MEIS1: variants seen among roughly 807,000 people sequenced by gnomAD.
MEIS1 encodes the protein homeobox protein Meis1.
MEIS1 carries 5 observed loss-of-function variants against 50.8 expected under a neutral mutation model. The observed-to-expected ratio is 0.10, with a 90% CI of 0.05 to 0.21. The LOEUF (loss-of-function observed/expected upper bound fraction) is 0.21, where lower values mean the gene tolerates loss of function less well. MEIS1 is among the 10% of genes least tolerant of loss of function. MEIS1 has a pLI of 1.00. For synonymous variants in MEIS1, 176 were observed against 179.3 expected, an observed-to-expected ratio of 0.98 and a Z score of 0.15; for missense variants, 318 against 517.3, an observed-to-expected ratio of 0.61 and a Z score of 3.74.
chr2:66,555,300 AC>A (rs139775539), intron 9 of MEIS1, among the ~76,000 whole-genome samples: 4,599 of 41,250 alleles, frequency 0.11, 106 homozygotes, highest in Non-Finnish European at 0.14. Flanking sequence ...CACCCCCCAA[AC>A]CCCCCTCCCT....
chr2:66,466,873 A>G lies in MEIS1; in HGVS notation c.742+2653A>G, dbSNP rs545664333. Among the ~76,000 whole-genome samples the G allele has an allele frequency of 2.1e-4, 32 of 151,320 alleles. No individual in the cohort carries two copies. In the East Asian group the frequency reaches 6.0e-3, roughly 28 times the overall value. On this transcript the variant is annotated intron_variant, in intron 7 of 12. Coordinates refer to ENST00000272369, the MANE Select transcript of MEIS1 (RefSeq NM_002398.3). ...ATTTTAAAACTTTCTCTGACATATT[A>G]TTTTTACTGCATTTCTTTTTTCCTC...
intron 7 of MEIS1, among the ~76,000 whole-genome samples, chr2:66,488,954 AT>A (rs1673205283): frequency 6.6e-6 from 1 of 152,164 alleles, no homozygotes; most frequent in Non-Finnish European, 1.5e-5. Flanking sequence ...TGTCAATCTT[AT>A]GTTTTCTAAG....
At chr2:66,442,366 A>G (rs1672011570) in intron 5 of MEIS1, among the ~76,000 whole-genome samples, 1 of 145,142 alleles carries the variant, frequency 6.9e-6, no homozygotes, top group South Asian at 2.2e-4. Context: ...ATTTCCTTCC[A>G]TTTTTTTTTC....
intron 8 of MEIS1, among the ~76,000 whole-genome samples, chr2:66,535,736 A>G (rs185511721): frequency 5.9e-5 from 9 of 152,364 alleles, no homozygotes; most frequent in Admixed American, 2.6e-4. Context: ...AAGAAGGTTC[A>G]TAAAGATAAA....
intron 7 of MEIS1, among the ~76,000 whole-genome samples, chr2:66,475,259 T>G (rs1168895340): frequency 7.5e-6 from 1 of 133,912 alleles, no homozygotes; most frequent in Admixed American, 7.4e-5. Context: ...ATTTATAAAA[T>G]AAATATATAA....
At chr2:66,509,706 G>C (rs1673777551) in intron 7 of MEIS1, among the ~76,000 whole-genome samples, 1 of 152,164 alleles carries the variant, frequency 6.6e-6, no homozygotes, top group Admixed American at 6.5e-5. Flanking sequence ...TGTTACACAT[G>C]GAATGCAGAA....
intron 7 of MEIS1, among the ~76,000 whole-genome samples, chr2:66,483,246 T>C (rs1243893748): frequency 1.0e-4 from 15 of 145,116 alleles, no homozygotes; most frequent in Non-Finnish European, 1.9e-4. Context: ...TTTTTTTTTG[T>C]CTTTTTGTGG....
intron 7 of MEIS1, among the ~76,000 whole-genome samples, chr2:66,478,835 T>C (rs1672953204): frequency 6.6e-6 from 1 of 152,212 alleles, no homozygotes. Flanking sequence ...AAATTGCCTT[T>C]AAATAGAAAA....
chr2:66,442,055 C>T (rs779706338), intron 5 of MEIS1, among the ~76,000 whole-genome samples: 3 of 152,126 alleles, frequency 2.0e-5, no homozygotes, highest in Non-Finnish European at 2.9e-5. Context: ...CACACTCCAC[C>T]TTCACACTCA....
At chr2:66,550,594 T>G (rs1001899929) in intron 9 of MEIS1, among the ~76,000 whole-genome samples, 5 of 152,066 alleles carry the variant, frequency 3.3e-5, no homozygotes, top group Non-Finnish European at 7.4e-5. Flanking sequence ...AACTCCTAGC[T>G]CAAGTAATCC....
chr2:66,471,473 G>A (rs1672759146), intron 7 of MEIS1, among the ~76,000 whole-genome samples: 1 of 152,104 alleles, frequency 6.6e-6, no homozygotes. Context: ...TGCAAGTGAT[G>A]GATTAAAATT....
At chr2:66,531,390 G>A (rs1290085192) in intron 8 of MEIS1, among the ~76,000 whole-genome samples, 1 of 152,156 alleles carries the variant, frequency 6.6e-6, no homozygotes, top group Non-Finnish European at 1.5e-5. Context: ...TGTTTAAATA[G>A]GAAGGACTAC....
At chr2:66,554,983 T>C (rs773789113) in intron 9 of MEIS1, among the ~76,000 whole-genome samples, 18 of 152,162 alleles carry the variant, frequency 1.2e-4, no homozygotes, top group Non-Finnish European at 2.2e-4. Flanking sequence ...GTGCTATGAG[T>C]CTATGAAGGG....
chr2:66,547,904 A>G, intron 8 of MEIS1, 39 bp from the exon 9 acceptor site: 1 of 1,605,434 alleles, frequency 6.2e-7, no homozygotes. Flanking sequence ...ATGGCTAAAT[A>G]TTGCCTGATG....
At chr2:66,567,638 T>A in intron 10 of MEIS1, 127 bp downstream of exon 10, 1 of 826,298 alleles carries the variant, frequency 1.2e-6, no homozygotes, top group Non-Finnish European at 2.0e-6. Flanking sequence ...CAATTAAAAT[T>A]AAACCAGTTT....
intron 7 of MEIS1, among the ~76,000 whole-genome samples, chr2:66,470,666 A>G (rs1262253647): frequency 1.3e-5 from 2 of 152,228 alleles, no homozygotes; most frequent in African/African-American, 4.8e-5. Flanking sequence ...TTATTAGGCA[A>G]CATCACCAGT....
chr2:66,472,388 G>A (rs757520227), intron 7 of MEIS1, among the ~76,000 whole-genome samples: 6 of 152,132 alleles, frequency 3.9e-5, no homozygotes, highest in Non-Finnish European at 4.4e-5. Flanking sequence ...GTGTTTAAGC[G>A]GGGGATGGGA....
chr2:66,531,988 G>C (rs1287860180), intron 8 of MEIS1, among the ~76,000 whole-genome samples: 2 of 151,522 alleles, frequency 1.3e-5, no homozygotes, highest in African/African-American at 4.8e-5. Flanking sequence ...CCAGAATTTT[G>C]GGTGGACCAG....
chr2:66,497,234 A>C (rs549843137), intron 7 of MEIS1, among the ~76,000 whole-genome samples: 1 of 152,204 alleles, frequency 6.6e-6, no homozygotes, highest in South Asian at 2.1e-4. Context: ...AATGGTTAGG[A>C]GTTTAGCCTC....
Sources: allele counts gnomAD v4.1 joint callset (sites outside exome capture counted in the v4.1 genomes callset), GRCh38; gene constraint gnomAD v4.1.1; transcripts MANE v1.5; gene names NCBI Gene and HGNC (gene_info 2026-07-23, HGNC 2026-07-21).